Variants in GRM7 observed in about 807,000 individuals in gnomAD.
GRM7 encodes the protein metabotropic glutamate receptor 7.
GRM7 carries 35 observed loss-of-function variants against 84.5 expected under a neutral mutation model. That is an observed-to-expected ratio of 0.41 (90% CI 0.32 to 0.55). GRM7 has a LOEUF of 0.55. GRM7 is among the 20% of genes least tolerant of loss of function. The pLI, the probability that GRM7 is intolerant of heterozygous loss-of-function variation, is 0.19. For missense variants in GRM7, 1,003 were observed against 1,194.6 expected, an observed-to-expected ratio of 0.84 and a Z score of 2.36; for synonymous variants, 487 against 455.1, an observed-to-expected ratio of 1.07 and a Z score of -0.89.
Position 7,036,769 on chromosome 3 carries a change from A to C in GRM7, c.520-109683A>C, listed in dbSNP as rs1056108565. Among the ~76,000 whole-genome samples, 3 of 143,236 alleles carry C rather than the reference A, an allele frequency of 2.1e-5. No individual in the cohort carries two copies. The Admixed American group carries it at 2.2e-4, about 10-fold the overall frequency. 94.0% of individuals were successfully genotyped at this position (143,236 alleles called of 152,430 possible). A position where few individuals can be genotyped will look rare whatever the true frequency, so the allele number is the denominator to read the frequency against. On this transcript the variant is annotated intron_variant, in intron 1 of 9. Transcript: ENST00000357716. ...AGTTTTAAAGCACTGGTTTTCTAAAAATTAGCAAGGTCTTTCTTGCTTTAT... is the reference window on the plus strand; with the variant it reads ...AGTTTTAAAGCACTGGTTTTCTAAACATTAGCAAGGTCTTTCTTGCTTTAT...
Position 7,655,412 on chromosome 3 carries a change from AG to A in GRM7, c.2452-24636del, listed in dbSNP as rs763226292. ...TCCTTTAGGATGGCTATGGAGGATT[AG>A]AGTTATAAAACCCATCCCAGAAATG... On this transcript the variant is annotated intron_variant, in intron 8 of 9. Transcript: ENST00000357716. Among the ~76,000 whole-genome samples the A allele has an allele frequency of 4.6e-4, 70 of 152,334 alleles. 1 individual carries two copies. Among genetic ancestry groups the A allele is most frequent in the South Asian group, 1.9e-3 (9 of 4,830 alleles).
At chr3:6,900,511 C>G (rs1696344864) in intron 1 of GRM7, among the ~76,000 whole-genome samples, 1 of 151,974 alleles carries the variant, frequency 6.6e-6, no homozygotes, top group Non-Finnish European at 1.5e-5. Context: ...AACCTTTGCC[C>G]TGAATAGGCA....
chr3:7,065,426 G>C (rs1406495046), intron 1 of GRM7, among the ~76,000 whole-genome samples: 1 of 151,792 alleles, frequency 6.6e-6, no homozygotes, highest in Non-Finnish European at 1.5e-5. Context: ...AATTATCCCA[G>C]CACCATTTGT....
intron 1 of GRM7, among the ~76,000 whole-genome samples, chr3:6,996,434 A>G (rs967906020): frequency 3.9e-5 from 6 of 152,220 alleles, no homozygotes; most frequent in Non-Finnish European, 7.3e-5. Context: ...CGAACGATTT[A>G]GTTTTAAGAG....
intron 7 of GRM7, among the ~76,000 whole-genome samples, chr3:7,528,087 G>A (rs769288043): frequency 9.9e-5 from 15 of 151,958 alleles, no homozygotes; most frequent in Admixed American, 1.3e-4. Context: ...TATAGTTTCC[G>A]TGGGATTGGT....
At chr3:6,982,500 A>G (rs115367988) in intron 1 of GRM7, among the ~76,000 whole-genome samples, 6 of 152,106 alleles carry the variant, frequency 3.9e-5, no homozygotes, top group Non-Finnish European at 7.4e-5. Context: ...TTTTTCTGAT[A>G]TTACTTTTTA....
chr3:7,102,549 G>T lies in GRM7; in HGVS notation c.520-43903G>T, dbSNP rs1393017950. Among the ~76,000 whole-genome samples the T allele has an allele frequency of 7.2e-5, 11 of 151,772 alleles. No individual in the cohort carries two copies. In the East Asian group the frequency reaches 1.4e-3, roughly 19 times the overall value. ...GTGTGGTTTTCTTCGTATTTATCCT[G>T]CTTAGAGTTTGTTGAGCTCCCTGGA... On this transcript the variant is annotated intron_variant, in intron 1 of 9. Coordinates refer to ENST00000357716, the MANE Select transcript of GRM7 (RefSeq NM_000844.4).
intron 1 of GRM7, among the ~76,000 whole-genome samples, chr3:7,133,930 A>T (rs182767374): frequency 6.6e-6 from 1 of 152,132 alleles, no homozygotes; most frequent in Non-Finnish European, 1.5e-5. Context: ...GTATTATGTC[A>T]TTGAATGCTG....
intron 7 of GRM7, among the ~76,000 whole-genome samples, chr3:7,541,335 A>G: frequency 6.6e-6 from 1 of 152,170 alleles, no homozygotes; most frequent in East Asian, 1.9e-4. Context: ...TACTAAATTC[A>G]ACTCGGGGCA....
intron 4 of GRM7, among the ~76,000 whole-genome samples, chr3:7,377,391 C>T (rs897311406): frequency 6.6e-6 from 1 of 152,158 alleles, no homozygotes; most frequent in Non-Finnish European, 1.5e-5. Context: ...ACTGAATCTT[C>T]TCTTTTGTAA....
At chr3:7,655,139 A>T (rs569268104) in intron 8 of GRM7, among the ~76,000 whole-genome samples, 1 of 152,354 alleles carries the variant, frequency 6.6e-6, no homozygotes, top group South Asian at 2.1e-4. Context: ...TATTTCAAAG[A>T]AAAGTAGAAA....
At chr3:7,166,481 C>T (rs150095573) in intron 2 of GRM7, among the ~76,000 whole-genome samples, 85 of 152,280 alleles carry the variant, frequency 5.6e-4, no homozygotes, top group African/African-American at 1.9e-3. Flanking sequence ...ATCAAACTCA[C>T]GTGAACCCTC....
chr3:7,617,437 T>A (rs1344633190), intron 8 of GRM7, among the ~76,000 whole-genome samples: 1 of 151,448 alleles, frequency 6.6e-6, no homozygotes, highest in Non-Finnish European at 1.5e-5. Context: ...TACAGCTAGA[T>A]AAAACAGCTA....
intron 4 of GRM7, among the ~76,000 whole-genome samples, chr3:7,352,741 C>A (rs185858982): frequency 2.0e-5 from 3 of 152,078 alleles, no homozygotes; most frequent in Admixed American, 6.5e-5. Context: ...GGGGAAGTGA[C>A]TTCCCCACCC....
At chr3:7,529,633 C>T (rs1369287577) in intron 7 of GRM7, among the ~76,000 whole-genome samples, 1 of 152,096 alleles carries the variant, frequency 6.6e-6, no homozygotes. Context: ...TAGCCCGTTG[C>T]CTGTATGATT....
At chr3:7,306,225 T>A (rs1040423434) in intron 3 of GRM7, among the ~76,000 whole-genome samples, 2 of 152,228 alleles carry the variant, frequency 1.3e-5, no homozygotes, top group Non-Finnish European at 2.9e-5. Context: ...TTCTAACATA[T>A]GTAAATATGT....
intron 1 of GRM7, among the ~76,000 whole-genome samples, chr3:7,088,437 A>T (rs1698537172): frequency 6.6e-6 from 1 of 152,056 alleles, no homozygotes; most frequent in South Asian, 2.1e-4. Flanking sequence ...TGGAATTTTT[A>T]AATGAGAAAA....
chr3:7,531,387 A>G (rs967997332), intron 7 of GRM7, among the ~76,000 whole-genome samples: 1 of 152,036 alleles, frequency 6.6e-6, no homozygotes, highest in African/African-American at 2.4e-5. Context: ...CATTGAATCT[A>G]TAGATTAGTT....
At chr3:7,141,623 ATC>A (rs1425374660) in intron 1 of GRM7, among the ~76,000 whole-genome samples, 1 of 152,042 alleles carries the variant, frequency 6.6e-6, no homozygotes, top group African/African-American at 2.4e-5. Context: ...ATTATCCATG[ATC>A]ATGTTTAAAA....
Sources: gnomAD v4.1 joint callset for allele counts (sites outside exome capture counted in the v4.1 genomes callset) on GRCh38, gnomAD v4.1.1 for gene constraint, MANE v1.5 for transcripts, NCBI Gene and HGNC (gene_info 2026-07-23, HGNC 2026-07-21) for gene names.